The following STXBP5L variants were observed in gnomAD, a reference collection of about 807,000 sequenced individuals.
STXBP5L encodes syntaxin-binding protein 5-like.
A neutral mutation model predicts 144.5 loss-of-function variants in STXBP5L; 65 were observed. The ratio of observed to expected loss-of-function variants is 0.45; its 90% CI spans 0.37 to 0.55. The LOEUF is 0.55. Among genes scored for constraint, STXBP5L ranks in the 20% least tolerant of loss-of-function variants. The pLI, the probability that STXBP5L is intolerant of heterozygous loss-of-function variation, is 0.00. For synonymous variants in STXBP5L, 505 were observed against 469.6 expected, an observed-to-expected ratio of 1.08 and a Z score of -0.97; for missense variants, 1,298 against 1,405.5, an observed-to-expected ratio of 0.92 and a Z score of 1.22.
In STXBP5L at chr3:121,123,427, G is replaced by A. The variant is rs189895632; in HGVS notation, c.669+1723G>A. On this transcript the variant is annotated intron_variant, in intron 7 of 26. Coordinates refer to ENST00000471454, the MANE Select transcript of STXBP5L (RefSeq NM_001308330.2). ...GAATATTGAATAAATGAATGCTGAT[G>A]TATTCATACTGTGGAATGCTGTGTT... 2.5e-3 allele frequency among the ~76,000 whole-genome samples: 373 copies of A among 151,736 alleles called. 1 individual carries two copies. Among genetic ancestry groups the A allele is most frequent in the African/African-American group, 8.4e-3 (349 of 41,536 alleles).
intron 3 of STXBP5L, among the ~76,000 whole-genome samples, chr3:121,020,078 A>G (rs746663406): frequency 2.0e-4 from 30 of 152,220 alleles, no homozygotes; most frequent in Non-Finnish European, 4.3e-4. Flanking sequence ...GCATAAATAA[A>G]AAACAATCAC....
At chr3:121,415,804 TATTA>T (rs1354466242) in intron 24 of STXBP5L, 49 bp from the exon 25 acceptor site, 5 of 1,260,604 alleles carry the variant, frequency 4.0e-6, no homozygotes, top group African/African-American at 1.5e-5. Context: ...CCTTTTTGTA[TATTA>T]ATTGATTTTT....
intron 20 of STXBP5L, among the ~76,000 whole-genome samples, chr3:121,354,438 G>A (rs991402117): frequency 1.3e-5 from 2 of 149,146 alleles, no homozygotes; most frequent in Admixed American, 1.3e-4. Flanking sequence ...TTATGTAATG[G>A]TCTTCTTTGT....
chr3:121,240,565 C>A, intron 14 of STXBP5L, 58 bp downstream of exon 14: 1 of 1,497,842 alleles, frequency 6.7e-7, no homozygotes, highest in Non-Finnish European at 9.3e-7. Context: ...TTTACTGAGT[C>A]TTGATACTTT....
At chr3:121,019,623 C>CA (rs770575278) in intron 3 of STXBP5L, among the ~76,000 whole-genome samples, 3 of 152,160 alleles carry the variant, frequency 2.0e-5, no homozygotes, top group Non-Finnish European at 2.9e-5. Flanking sequence ...CCACCCAGTA[C>CA]CAGCCCAGAG....
chr3:121,271,505 C>T (rs1174012749), intron 18 of STXBP5L, among the ~76,000 whole-genome samples: 4 of 152,116 alleles, frequency 2.6e-5, no homozygotes, highest in African/African-American at 9.7e-5. Flanking sequence ...AATAGATGCT[C>T]ATTTCTATTG....
intron 20 of STXBP5L, among the ~76,000 whole-genome samples, chr3:121,338,374 T>A (rs1350603926): frequency 1.3e-5 from 2 of 151,512 alleles, no homozygotes; most frequent in East Asian, 3.9e-4. Flanking sequence ...CCAGGTGCGG[T>A]GGTTCACGCC....
intron 9 of STXBP5L, among the ~76,000 whole-genome samples, chr3:121,194,909 C>CTTTTTTTTTT (rs10717806): frequency 1.5e-4 from 10 of 68,494 alleles, no homozygotes; most frequent in East Asian, 4.6e-4. Context: ...TCTTTTCACT[C>CTTTTTTTTTT]TTTTTTTTTT....
chr3:121,349,976 T>G (rs1286172729), intron 20 of STXBP5L, among the ~76,000 whole-genome samples: 5 of 152,150 alleles, frequency 3.3e-5, no homozygotes, highest in Admixed American at 1.3e-4. Flanking sequence ...TTAATATTGT[T>G]ATGTGTGAAT....
rs1346043473 is a variant in STXBP5L, at chr3:121,423,650, T to G, written c.*4553T>G. On this transcript the variant is annotated 3_prime_UTR_variant, in exon 27 of 27. Transcript: ENST00000471454. Reference sequence around the variant, plus strand: ...AATTCCCAATTATATTAAAATCATTTGGAGTGGGAACCAGACACCAATATT... The same window carrying G: ...AATTCCCAATTATATTAAAATCATTGGGAGTGGGAACCAGACACCAATATT... 2 of 152,068 alleles carry G rather than the reference T, an allele frequency of 1.3e-5. No homozygotes were observed. The highest frequency in any genetic ancestry group is 2.9e-5 in the Non-Finnish European group (2 of 68,034). The allele number at this position is 152,068 out of a possible 1,614,324, so 9.4% of individuals were successfully genotyped here.
intron 22 of STXBP5L, among the ~76,000 whole-genome samples, chr3:121,392,841 A>ACTT (rs1368157985): frequency 6.7e-6 from 1 of 148,808 alleles, no homozygotes; most frequent in Non-Finnish European, 1.5e-5. Context: ...ATTGATAGAC[A>ACTT]CTTAGGTTTA....
Position 121,254,993 on chromosome 3 carries a change from C to A in STXBP5L, c.1540C>A (p.Pro514Thr). ...KQTCEIVEED[P>T]FAIQMIYWCP... ...AACATGTGAAATTGTAGAGGAAGAC[C>A]CATTTGCCATTCAGATGATTTACTG... Residue 514 changes from proline (P) to threonine (T), a missense_variant, in exon 16 of 27, where the codon CCA (proline) becomes ACA (threonine). Physicochemically the swap from Pro to Thr is conservative, Grantham distance 38. Transcript: ENST00000471454. 6.2e-7 allele frequency: 1 copy of A among 1,613,360 alleles called. No individual in the cohort carries two copies. Among genetic ancestry groups the A allele is most frequent in the Non-Finnish European group, 8.5e-7 (1 of 1,179,610 alleles).
At chr3:120,986,873 C>T (rs190863863) in intron 3 of STXBP5L, among the ~76,000 whole-genome samples, 29 of 151,680 alleles carry the variant, frequency 1.9e-4, no homozygotes, top group East Asian at 5.8e-4. Flanking sequence ...TTGAAGATAG[C>T]GCAATGAAAA....
chr3:121,334,019 C>T (rs1196215508), intron 20 of STXBP5L, among the ~76,000 whole-genome samples: 7 of 152,102 alleles, frequency 4.6e-5, no homozygotes, highest in South Asian at 2.1e-4. Context: ...ATACTGCTCT[C>T]GTGGGGAGCA....
chr3:121,325,770 C>A (rs2044123126), intron 20 of STXBP5L, among the ~76,000 whole-genome samples: 1 of 151,828 alleles, frequency 6.6e-6, no homozygotes, highest in Non-Finnish European at 1.5e-5. Flanking sequence ...TACTTTAAAG[C>A]AAACAAGGTA....
chr3:121,168,895 A>G (rs1212386461), intron 9 of STXBP5L, among the ~76,000 whole-genome samples: 3 of 152,158 alleles, frequency 2.0e-5, no homozygotes, highest in Non-Finnish European at 4.4e-5. Flanking sequence ...TGTCAGATTT[A>G]CCAAGGTTAA....
chr3:121,195,039 C>A (rs754835949), intron 9 of STXBP5L, among the ~76,000 whole-genome samples: 2 of 151,496 alleles, frequency 1.3e-5, no homozygotes, highest in Non-Finnish European at 2.9e-5. Flanking sequence ...CCTCGGCCTC[C>A]CGAGTAGCTG....
chr3:121,012,438 G>A (rs1031970146), intron 3 of STXBP5L, among the ~76,000 whole-genome samples: 1 of 151,786 alleles, frequency 6.6e-6, no homozygotes, highest in Non-Finnish European at 1.5e-5. Context: ...CCAGCAATGT[G>A]TTAGATCTTA....
intron 10 of STXBP5L, among the ~76,000 whole-genome samples, chr3:121,221,018 T>C (rs2048955834): frequency 6.6e-6 from 1 of 151,994 alleles, no homozygotes; most frequent in South Asian, 2.1e-4. Context: ...TCATAGGCTT[T>C]GGAGTCTGGT....
Sources: allele counts gnomAD v4.1 joint callset (sites outside exome capture counted in the v4.1 genomes callset), GRCh38; gene constraint gnomAD v4.1.1; transcripts MANE v1.5; gene names NCBI Gene and HGNC (gene_info 2026-07-23, HGNC 2026-07-21).